The following JAKMIP1 variants were observed in gnomAD, a reference collection of about 807,000 sequenced individuals.
The protein encoded by JAKMIP1 is janus kinase and microtubule-interacting protein 1.
JAKMIP1 carries 33 observed loss-of-function variants against 113.0 expected under a neutral mutation model. The observed-to-expected ratio is 0.29, with a 90% CI of 0.22 to 0.39. The LOEUF is 0.39. JAKMIP1 is among the 10% of genes least tolerant of loss of function. The pLI is 1.00. For synonymous variants in JAKMIP1, 480 were observed against 459.9 expected, an observed-to-expected ratio of 1.04 and a Z score of -0.56; for missense variants, 813 against 1,080.5, an observed-to-expected ratio of 0.75 and a Z score of 3.47.
chr4:6,173,815 C>T (rs781622194), intron 1 of JAKMIP1, among the ~76,000 whole-genome samples: 5 of 152,188 alleles, frequency 3.3e-5, no homozygotes, highest in Admixed American at 6.5e-5. Flanking sequence ...GTGGCTCACG[C>T]CTGTAATCCC....
Position 6,137,569 on chromosome 4 carries a change from G to A in JAKMIP1, c.-147-24572C>T, listed in dbSNP as rs753827698. ...TTGAACGTTCCAGATGGCCTCACTC[G>A]AGAGACGCTCTTTTTCAGCCAATCC... On this transcript the variant is annotated intron_variant, in intron 1 of 20. Transcript: ENST00000409021. This position sits in a 1 kb window ranked among gnomAD's most constrained non-coding sequence, Gnocchi z 4.5. Among the ~76,000 whole-genome samples, 7 of 152,288 alleles carry A rather than the reference G, an allele frequency of 4.6e-5. No homozygotes were observed. Among genetic ancestry groups the A allele is most frequent in the African/African-American group, 1.2e-4 (5 of 41,564 alleles).
chr4:6,062,479 A>C (rs1431632346), intron 9 of JAKMIP1, 39 bp from the exon 10 acceptor site: 1 of 1,577,126 alleles, frequency 6.3e-7, no homozygotes, highest in South Asian at 1.1e-5. Context: ...ATCAAGTGCA[A>C]AATTACAATA....
chr4:6,061,165 G>A lies in JAKMIP1; in HGVS notation c.1561-658C>T, dbSNP rs911830853. Among the ~76,000 whole-genome samples the A allele has an allele frequency of 3.3e-5, 5 of 152,222 alleles. No homozygotes were observed. The highest frequency in any genetic ancestry group is 4.8e-5 in the African/African-American group (2 of 41,464). ...GTTCTGACCTTTCAAGAGAGGTCAG[G>A]AACCTGGATTTCTCTATAGAATCTC... On this transcript the variant is annotated intron_variant, in intron 10 of 20. Transcript: ENST00000409021. The surrounding 1 kb of genome is among the most constrained non-coding windows in gnomAD (Gnocchi z 5.3).
In JAKMIP1 at chr4:6,042,823, G is replaced by C. The variant is rs1714505214; in HGVS notation, c.2029-596C>G. The stretch of plus-strand genomic sequence containing the variant: ...TGAGAGGAGGTGGAATCACACACAG[G>C]GTAGGGGGTGTAGGAGCATGAAAGC... On this transcript the variant is annotated intron_variant, in intron 16 of 20. Coordinates refer to ENST00000409021, the MANE Select transcript of JAKMIP1 (RefSeq NM_001099433.2). This position sits in a 1 kb window ranked among gnomAD's most constrained non-coding sequence, Gnocchi z 5.2. Among the ~76,000 whole-genome samples the C allele has an allele frequency of 6.6e-6, 1 of 152,092 alleles. No homozygotes were observed. Among genetic ancestry groups the C allele is most frequent in the South Asian group, 2.1e-4 (1 of 4,826 alleles).
intron 1 of JAKMIP1, among the ~76,000 whole-genome samples, chr4:6,121,234 T>G (rs1716673753): frequency 1.3e-5 from 2 of 151,452 alleles, no homozygotes; most frequent in Admixed American, 1.3e-4. Context: ...CAGCTTCATC[T>G]TCATCAGCAT....
In JAKMIP1 at chr4:6,140,933, G is replaced by C. The variant is rs940594529; in HGVS notation, c.-147-27936C>G. ...TGGGATCCCTCTCTTTACAAAATCA[G>C]AAGCTGAGGTCCAAAGAGGGAAAAT... On this transcript the variant is annotated intron_variant, in intron 1 of 20. Coordinates refer to ENST00000409021, the MANE Select transcript of JAKMIP1 (RefSeq NM_001099433.2). The surrounding 1 kb of genome is among the most constrained non-coding windows in gnomAD (Gnocchi z 9.4). Among the ~76,000 whole-genome samples, 4 of 152,138 alleles carry C rather than the reference G, an allele frequency of 2.6e-5. No homozygotes were observed. The highest frequency in any genetic ancestry group is 4.8e-5 in the African/African-American group (2 of 41,380).
At position 6,093,589 on chromosome 4, in the gene JAKMIP1, C is replaced by CACTCAAAT. The variant is rs1722384704; in HGVS notation, c.625-7968_625-7961dup. ...CCAAAAAGACAGCTTCAGAAACAATCACTCAAATTCTTATGCAAAACAGTC... is the reference window on the plus strand; with the variant it reads ...CCAAAAAGACAGCTTCAGAAACAATCACTCAAATACTCAAATTCTTATGCAAAACAGTC... On this transcript the variant is annotated intron_variant, in intron 3 of 20. Coordinates refer to ENST00000409021, the MANE Select transcript of JAKMIP1 (RefSeq NM_001099433.2). The surrounding 1 kb of genome is among the most constrained non-coding windows in gnomAD (Gnocchi z 4.6). Among the ~76,000 whole-genome samples the CACTCAAAT allele has an allele frequency of 6.6e-6, 1 of 152,180 alleles. No individual in the cohort carries two copies. The highest frequency in any genetic ancestry group is 2.1e-4 in the South Asian group (1 of 4,828).
chr4:6,098,618 A>AGG (rs1429794053), intron 3 of JAKMIP1, among the ~76,000 whole-genome samples: 16 of 135,258 alleles, frequency 1.2e-4, no homozygotes, highest in Non-Finnish European at 2.4e-4. Context: ...AAAGAAAGAA[A>AGG]AAGAAAAAGA....
intron 8 of JAKMIP1, among the ~76,000 whole-genome samples, chr4:6,066,783 C>T (rs1303077954): frequency 1.3e-5 from 2 of 152,126 alleles, no homozygotes; most frequent in East Asian, 3.9e-4. Context: ...ATCTCTCTCT[C>T]TGGAATTATT....
In JAKMIP1 at chr4:6,158,969, G is replaced by T. The variant is rs1384632278; in HGVS notation, c.-148+41284C>A. ...CGGGGCATAGTGGCATGCACCTATA[G>T]TCCCAGCTATTCAAGAGGCTGAGGT... On this transcript the variant is annotated intron_variant, in intron 1 of 20. Coordinates refer to ENST00000409021, the MANE Select transcript of JAKMIP1 (RefSeq NM_001099433.2). The surrounding 1 kb of genome is among the most constrained non-coding windows in gnomAD (Gnocchi z 5.3). Among the ~76,000 whole-genome samples, 1 of 151,902 alleles carries T rather than the reference G, an allele frequency of 6.6e-6. No homozygotes were observed. Among genetic ancestry groups the T allele is most frequent in the Non-Finnish European group, 1.5e-5 (1 of 68,002 alleles).
chr4:6,039,458 A>C (rs951118256), intron 18 of JAKMIP1, among the ~76,000 whole-genome samples: 4 of 152,128 alleles, frequency 2.6e-5, no homozygotes, highest in Admixed American at 1.3e-4. Flanking sequence ...CTAAAATCAC[A>C]TTCCTTGGAG....
At chr4:6,111,998 A>G (rs1715011496) in intron 2 of JAKMIP1, among the ~76,000 whole-genome samples, 1 of 152,128 alleles carries the variant, frequency 6.6e-6, no homozygotes, top group African/African-American at 2.4e-5. Context: ...TTAACCTGAA[A>G]AGCTAGTTCA....
In JAKMIP1 at chr4:6,197,086, T is replaced by C. The variant is rs1727939173; in HGVS notation, c.-148+3167A>G. 6.6e-6 allele frequency among the ~76,000 whole-genome samples: 1 copy of C among 152,150 alleles called. No individual in the cohort carries two copies. Among genetic ancestry groups the C allele is most frequent in the South Asian group, 2.1e-4 (1 of 4,828 alleles). ...CTGTGTGGTGCCCGTGCAGCAAAGA[T>C]GAGATAACCCGAGGCAGAAGCGGGA... On this transcript the variant is annotated intron_variant, in intron 1 of 20. Coordinates refer to ENST00000409021, the MANE Select transcript of JAKMIP1 (RefSeq NM_001099433.2). The surrounding 1 kb of genome is among the most constrained non-coding windows in gnomAD (Gnocchi z 6.5).
intron 1 of JAKMIP1, among the ~76,000 whole-genome samples, chr4:6,115,271 G>A (rs1032106826): frequency 2.6e-5 from 4 of 152,160 alleles, no homozygotes; most frequent in African/African-American, 4.8e-5. Flanking sequence ...TTAGCAGGGC[G>A]TGGTGGTGCG....
rs574199136 is a variant in JAKMIP1 at position 6,142,603 on chromosome 4, T to C, written c.-147-29606A>G. Among the ~76,000 whole-genome samples, 2 of 152,328 alleles carry C rather than the reference T, an allele frequency of 1.3e-5. No individual in the cohort carries two copies. The highest frequency in any genetic ancestry group is 2.1e-4 in the South Asian group (1 of 4,826). ...AAATCCTTAAAATATAGCTGGAGTC[T>C]CTGCTCTCGGACTTAAGAGGCAGCT... On this transcript the variant is annotated intron_variant, in intron 1 of 20. Coordinates refer to ENST00000409021, the MANE Select transcript of JAKMIP1 (RefSeq NM_001099433.2). This position sits in a 1 kb window ranked among gnomAD's most constrained non-coding sequence, Gnocchi z 5.5.
chr4:6,126,199 A>G (rs919717009), intron 1 of JAKMIP1, among the ~76,000 whole-genome samples: 5 of 149,538 alleles, frequency 3.3e-5, no homozygotes, highest in Non-Finnish European at 5.9e-5. Flanking sequence ...ACACACATAC[A>G]CAAACACACA....
At chr4:6,095,666 T>A (rs1324596550) in intron 3 of JAKMIP1, among the ~76,000 whole-genome samples, 2 of 152,190 alleles carry the variant, frequency 1.3e-5, no homozygotes, top group Non-Finnish European at 1.5e-5. Flanking sequence ...CACGGTGCCA[T>A]CTGATGTGTA....
Position 6,184,262 on chromosome 4 carries a change from C to T in JAKMIP1, c.-148+15991G>A, listed in dbSNP as rs796667333. On this transcript the variant is annotated intron_variant, in intron 1 of 20. Transcript: ENST00000409021. The surrounding 1 kb of genome is among the most constrained non-coding windows in gnomAD (Gnocchi z 4.5). ...TCTCAATAGGCAGAAACCAGGTGCCCAGCACATAGCAGACACTCCACAAAT... is the reference window on the plus strand; with the variant it reads ...TCTCAATAGGCAGAAACCAGGTGCCTAGCACATAGCAGACACTCCACAAAT... Among the ~76,000 whole-genome samples, 6 of 152,306 alleles carry T rather than the reference C, an allele frequency of 3.9e-5. No individual in the cohort carries two copies. The highest frequency in any genetic ancestry group is 1.4e-4 in the African/African-American group (6 of 41,570).
rs1384386601 is a variant in JAKMIP1 at position 6,184,479 on chromosome 4, AGAGCCAGG to A, written c.-148+15766_-148+15773del. Among the ~76,000 whole-genome samples, 1 of 152,176 alleles carries A rather than the reference AGAGCCAGG, an allele frequency of 6.6e-6. No individual in the cohort carries two copies. Among genetic ancestry groups the A allele is most frequent in the Non-Finnish European group, 1.5e-5 (1 of 68,032 alleles). On this transcript the variant is annotated intron_variant, in intron 1 of 20. Coordinates refer to ENST00000409021, the MANE Select transcript of JAKMIP1 (RefSeq NM_001099433.2). This position sits in a 1 kb window ranked among gnomAD's most constrained non-coding sequence, Gnocchi z 4.5. ...GAGAGGGCAAGGCAAGTGCAGTATA[AGAGCCAGG>A]GTGCCTTCCCTCTTCCTCAAGAAAA... is the stretch of plus-strand genomic sequence containing the variant.
Sources: allele counts gnomAD v4.1 joint callset (sites outside exome capture counted in the v4.1 genomes callset), GRCh38; gene constraint gnomAD v4.1.1; non-coding constraint Gnocchi (gnomAD v3.1); transcripts MANE v1.5; gene names NCBI Gene and HGNC (gene_info 2026-07-23, HGNC 2026-07-21).